The following RTN4RL2 variants were observed in gnomAD, a reference collection of about 807,000 sequenced individuals.
RTN4RL2 encodes reticulon-4 receptor-like 2.
RTN4RL2 carries 9 observed loss-of-function variants against 27.8 expected under a neutral mutation model. The ratio of observed to expected loss-of-function variants is 0.32; its 90% CI spans 0.20 to 0.57. RTN4RL2 has a LOEUF of 0.57. RTN4RL2 is among the 20% of genes least tolerant of loss of function. The pLI, the probability that RTN4RL2 is intolerant of heterozygous loss-of-function variation, is 0.90. For missense variants in RTN4RL2, 436 were observed against 596.8 expected (o/e 0.73, Z 2.81); for synonymous variants, 285 against 297.9 (o/e 0.96, Z 0.45).
At chr11:57,466,274 G>A (rs1486277066) in intron 1 of RTN4RL2, among the ~76,000 whole-genome samples, 1 of 151,976 alleles carries the variant, frequency 6.6e-6, no homozygotes, top group African/African-American at 2.4e-5. Context: ...CAAAGTGCTG[G>A]GATTACAGGC....
At chr11:57,471,649 T>G (rs1943563063) in intron 2 of RTN4RL2, among the ~76,000 whole-genome samples, 1 of 152,174 alleles carries the variant, frequency 6.6e-6, no homozygotes, top group Non-Finnish European at 1.5e-5. Context: ...TGGAGGAAAC[T>G]CCACCAGAGG....
At chr11:57,461,726 G>T (rs974869182) in intron 1 of RTN4RL2, among the ~76,000 whole-genome samples, 1 of 151,962 alleles carries the variant, frequency 6.6e-6, no homozygotes, top group Non-Finnish European at 1.5e-5. Context: ...GGACCCTGGG[G>T]ACTGGAATGG....
rs893155392 is a variant in RTN4RL2 at position 57,460,858 on chromosome 11, G to C, written c.-8G>C. The C allele has an allele frequency of 2.5e-5, 35 of 1,401,260 alleles. No homozygotes were observed. The highest frequency in any genetic ancestry group is 4.5e-5 in the African/African-American group (3 of 66,818). 86.8% of individuals were successfully genotyped at this position (1,401,260 alleles called of 1,614,324 possible). On this transcript the variant is annotated 5_prime_UTR_variant, in exon 1 of 3. Transcript: ENST00000335099. ...CCCGCTGCCCCCTCCCCCGAGCATCGAGACAAGATGCTGCCCGGGCTCAGG... is the reference window on the plus strand; with the variant it reads ...CCCGCTGCCCCCTCCCCCGAGCATCCAGACAAGATGCTGCCCGGGCTCAGG...
chr11:57,474,448 G>A (rs1943584354), intron 2 of RTN4RL2, among the ~76,000 whole-genome samples: 2 of 152,186 alleles, frequency 1.3e-5, no homozygotes, highest in Admixed American at 1.3e-4. Flanking sequence ...CAGGCATGGG[G>A]AGGAAAGCGT....
intron 2 of RTN4RL2, among the ~76,000 whole-genome samples, chr11:57,473,174 C>T (rs907874786): frequency 6.6e-6 from 1 of 152,188 alleles, no homozygotes; most frequent in Non-Finnish European, 1.5e-5. Flanking sequence ...GGGTGCCTGG[C>T]ACAGAGTAGA....
intron 1 of RTN4RL2, among the ~76,000 whole-genome samples, chr11:57,463,740 T>G (rs1429796720): frequency 6.8e-6 from 1 of 148,100 alleles, no homozygotes; most frequent in African/African-American, 2.5e-5. Flanking sequence ...TGAGGAGGAG[T>G]GAGAACAGGG....
At chr11:57,474,629 G>T (rs1036494329) in intron 2 of RTN4RL2, among the ~76,000 whole-genome samples, 1 of 152,234 alleles carries the variant, frequency 6.6e-6, no homozygotes, top group Non-Finnish European at 1.5e-5. Context: ...AGGTCAGGGA[G>T]CTGAAGTCCT....
At chr11:57,468,227 T>C (rs1039535323) in intron 2 of RTN4RL2, 137 bp downstream of exon 2, 3 of 936,040 alleles carry the variant, frequency 3.2e-6, no homozygotes, top group Non-Finnish European at 4.8e-6. Flanking sequence ...CATTTCTCTC[T>C]GTCTATGTCT....
At position 57,476,741 on chromosome 11, in the gene RTN4RL2, C is replaced by A. The variant is rs1943599207; in HGVS notation, c.1093C>A (p.Pro365Thr). Residue 365 changes from proline (P) to threonine (T), a missense_variant, in exon 3 of 3, where the codon CCT becomes ACT. Pro to Thr is a conservative substitution (Grantham distance 38). Around this residue, in one of 3 missense-constraint regions of RTN4RL2, gnomAD observed 365 missense variants for 530.5 expected, o/e 0.69. Transcript: ENST00000335099. The surrounding 1 kb of genome is among the most constrained non-coding windows in gnomAD (Gnocchi z 8.2). ...DSRGRQGGDA[P>T]TEDDYWGGYG... ...GCGGGGGCGCCAGGGCGGGGACGCGCCTACTGAGGACGACTACTGGGGGGG... is the reference window on the plus strand; with the variant it reads ...GCGGGGGCGCCAGGGCGGGGACGCGACTACTGAGGACGACTACTGGGGGGG... 2.8e-6 allele frequency: 4 copies of A among 1,450,500 alleles called. No homozygotes were observed. Among genetic ancestry groups the A allele is most frequent in the African/African-American group, 1.5e-5 (1 of 67,454 alleles). 89.9% of individuals were successfully genotyped at this position (1,450,500 alleles called of 1,614,324 possible). A position where few individuals can be genotyped will look rare whatever the true frequency, so the allele number is the denominator to read the frequency against.
At chr11:57,472,918 C>T (rs1943572383) in intron 2 of RTN4RL2, among the ~76,000 whole-genome samples, 1 of 152,192 alleles carries the variant, frequency 6.6e-6, no homozygotes, top group Admixed American at 6.5e-5. Context: ...AGCCACGTTC[C>T]ACTGCATATT....
intron 1 of RTN4RL2, among the ~76,000 whole-genome samples, chr11:57,466,223 T>G (rs1943523329): frequency 6.6e-6 from 1 of 151,974 alleles, no homozygotes; most frequent in Admixed American, 6.6e-5. Context: ...GCCAGGATGG[T>G]CTCGATCTCC....
chr11:57,466,272 T>C (rs1181831356), intron 1 of RTN4RL2, among the ~76,000 whole-genome samples: 1 of 152,080 alleles, frequency 6.6e-6, no homozygotes, highest in African/African-American at 2.4e-5. Flanking sequence ...CCCAAAGTGC[T>C]GGGATTACAG....
intron 2 of RTN4RL2, chr11:57,468,696 C>T: frequency 6.5e-6 from 10 of 1,536,128 alleles, no homozygotes; most frequent in Non-Finnish European, 8.7e-6. Context: ...CTCTCCAATT[C>T]ACTGGGCAAT....
At position 57,467,272 on chromosome 11, in the gene RTN4RL2, G is replaced by A. The variant is rs186980298; in HGVS notation, c.32-337G>A. On this transcript the variant is annotated intron_variant, in intron 1 of 2. Coordinates refer to ENST00000335099, the MANE Select transcript of RTN4RL2 (RefSeq NM_178570.3). This position sits in a 1 kb window ranked among gnomAD's most constrained non-coding sequence, Gnocchi z 5.5. ...GTTGCCCAGGCTGGAGTGCAAGGGT[G>A]TGATCGTTGCTCACTACAGCCTCAA... Among the ~76,000 whole-genome samples, 1 of 152,238 alleles carries A rather than the reference G, an allele frequency of 6.6e-6. No homozygotes were observed. Among genetic ancestry groups the A allele is most frequent in the South Asian group, 2.1e-4 (1 of 4,820 alleles).
chr11:57,461,330 G>A (rs531569036), intron 1 of RTN4RL2, among the ~76,000 whole-genome samples: 1 of 152,016 alleles, frequency 6.6e-6, no homozygotes, highest in Non-Finnish European at 1.5e-5. Context: ...GGTAGGAGGC[G>A]CAGAGGGAAA....
chr11:57,465,091 C>T (rs1024237358), intron 1 of RTN4RL2, among the ~76,000 whole-genome samples: 21 of 152,180 alleles, frequency 1.4e-4, no homozygotes, highest in Non-Finnish European at 2.9e-4. Flanking sequence ...CACGGTGGGG[C>T]CCAAAAGCGA....
chr11:57,476,065 G>A lies in RTN4RL2; in HGVS notation c.514-97G>A. On this transcript the variant is annotated intron_variant, in intron 2 of 2. Coordinates refer to ENST00000335099, the MANE Select transcript of RTN4RL2 (RefSeq NM_178570.3). This position sits in a 1 kb window ranked among gnomAD's most constrained non-coding sequence, Gnocchi z 8.2. ...GGTCAACCCTTTCTCTTCTGCCACG[G>A]TGCACCCCCTTCCCTCCCCCGGCCA... 1 of 1,186,374 alleles carries A rather than the reference G, an allele frequency of 8.4e-7. No individual in the cohort carries two copies. The highest frequency in any genetic ancestry group is 1.2e-6 in the Non-Finnish European group (1 of 833,112). The allele number at this position is 1,186,374 out of a possible 1,614,324, so 73.5% of individuals were successfully genotyped here.
At chr11:57,474,076 G>A (rs533321818) in intron 2 of RTN4RL2, among the ~76,000 whole-genome samples, 1 of 152,230 alleles carries the variant, frequency 6.6e-6, no homozygotes, top group Admixed American at 6.5e-5. Flanking sequence ...TGAGTGGCAG[G>A]GATTCCAAGC....
Position 57,460,729 on chromosome 11 carries a change from G to C in RTN4RL2, c.-137G>C. ...CCCGGGCGGCGCAGGGTAGAGCGCC[G>C]CGGCCCGGCCACGCAGCCCGGGGAC... On this transcript the variant is annotated 5_prime_UTR_variant, in exon 1 of 3. Coordinates refer to ENST00000335099, the MANE Select transcript of RTN4RL2 (RefSeq NM_178570.3). 2.6e-6 allele frequency: 1 copy of C among 385,108 alleles called. No individual in the cohort carries two copies. The allele number at this position is 385,108 out of a possible 1,614,324, so 23.9% of individuals were successfully genotyped here. A position where few individuals can be genotyped will look rare whatever the true frequency, so the allele number is the denominator to read the frequency against.
Sources: gnomAD v4.1 joint callset for allele counts (sites outside exome capture counted in the v4.1 genomes callset) on GRCh38, gnomAD v4.1.1 for gene constraint, gnomAD v4.1.1 regional missense constraint, Gnocchi (gnomAD v3.1) non-coding constraint, MANE v1.5 for transcripts, NCBI Gene and HGNC (gene_info 2026-07-23, HGNC 2026-07-21) for gene names.